The following INPP4B variants were observed in gnomAD, a reference collection of about 807,000 sequenced individuals.
INPP4B encodes the protein inositol polyphosphate-4-phosphatase type II B.
A neutral mutation model predicts 122.5 loss-of-function variants in INPP4B; 55 were observed. The ratio of observed to expected loss-of-function variants is 0.45; its 90% CI spans 0.36 to 0.56. The LOEUF (loss-of-function observed/expected upper bound fraction) is 0.56. INPP4B is among the 20% of genes least tolerant of loss of function. The probability of loss-of-function intolerance (pLI) is 0.00; values close to 1 mark genes in which losing one functional copy is unlikely to be tolerated. For synonymous variants in INPP4B, 403 were observed against 388.7 expected (o/e 1.04, Z -0.43); for missense variants, 1,000 against 1,097.7 (o/e 0.91, Z 1.26).
chr4:142,487,662 A>C (rs1821371464), intron 2 of INPP4B, among the ~76,000 whole-genome samples: 1 of 152,136 alleles, frequency 6.6e-6, no homozygotes, highest in Non-Finnish European at 1.5e-5. Flanking sequence ...CATGTTTATT[A>C]ATTTCCCAGA....
At chr4:142,837,831 G>A (rs572616102) in intron 1 of INPP4B, among the ~76,000 whole-genome samples, 1 of 151,938 alleles carries the variant, frequency 6.6e-6, no homozygotes, top group South Asian at 2.1e-4. Context: ...TCACTCCTAA[G>A]AAAAATAATG....
At chr4:142,572,893 A>G (rs1274318974) in intron 2 of INPP4B, among the ~76,000 whole-genome samples, 1 of 151,096 alleles carries the variant, frequency 6.6e-6, no homozygotes, top group African/African-American at 2.4e-5. Context: ...TATATTATAT[A>G]TAAATATACA....
intron 2 of INPP4B, among the ~76,000 whole-genome samples, chr4:142,587,808 T>A (rs114684658): frequency 6.6e-6 from 1 of 151,984 alleles, no homozygotes; most frequent in Admixed American, 6.6e-5. Flanking sequence ...GAAAGTAGAA[T>A]CAGAAAGAAC....
intron 15 of INPP4B, among the ~76,000 whole-genome samples, chr4:142,192,032 A>T (rs1010185191): frequency 2.0e-5 from 3 of 152,040 alleles, no homozygotes; most frequent in Non-Finnish European, 4.4e-5. Flanking sequence ...ATAAAACGTT[A>T]AAAAATTTTC....
chr4:142,122,366 A>G lies in INPP4B; in HGVS notation c.2018-121T>C, dbSNP rs1578984196. 6 of 746,868 alleles carry G rather than the reference A, an allele frequency of 8.0e-6. No homozygotes were observed. In the East Asian group the frequency reaches 1.6e-4, roughly 20 times the overall value. The allele number at this position is 746,868 out of a possible 1,614,324, so 46.3% of individuals were successfully genotyped here. On this transcript the variant is annotated intron_variant, in intron 20 of 25. Coordinates refer to ENST00000262992, the MANE Select transcript of INPP4B (RefSeq NM_001101669.3). ...ATTGAATGAGTTTCTGAATGCAGTG[A>G]ACCTACTCTAGACACTTTTCCTCAG...
At chr4:142,098,017 T>G (rs1460415699) in intron 23 of INPP4B, among the ~76,000 whole-genome samples, 2 of 152,220 alleles carry the variant, frequency 1.3e-5, no homozygotes, top group African/African-American at 4.8e-5. Flanking sequence ...TAAAAAACTT[T>G]AAGAGAGAAG....
At chr4:142,649,827 CAAAG>C (rs1459033664) in intron 2 of INPP4B, among the ~76,000 whole-genome samples, 1 of 152,188 alleles carries the variant, frequency 6.6e-6, no homozygotes, top group East Asian at 1.9e-4. Flanking sequence ...CCCAACCTAG[CAAAG>C]CAGGCCAACA....
chr4:142,123,019 T>C (rs1797207120), intron 20 of INPP4B, among the ~76,000 whole-genome samples: 1 of 152,088 alleles, frequency 6.6e-6, no homozygotes, highest in African/African-American at 2.4e-5. Flanking sequence ...AATCCAGTCA[T>C]TGCAACTATG....
chr4:142,427,135 C>T (rs574297213), intron 5 of INPP4B: 35 of 166,042 alleles, frequency 2.1e-4, no homozygotes, highest in Non-Finnish European at 3.0e-4. Context: ...AAAACATCCA[C>T]GGGTTTATCT....
chr4:142,843,167 G>GATCTTTT (rs1783770183), intron 1 of INPP4B, among the ~76,000 whole-genome samples: 1 of 151,120 alleles, frequency 6.6e-6, no homozygotes, highest in African/African-American at 2.4e-5. Context: ...GGTATATACT[G>GATCTTTT]CTCTAAAGTT....
intron 9 of INPP4B, among the ~76,000 whole-genome samples, chr4:142,287,953 C>T (rs1449312318): frequency 2.0e-5 from 3 of 152,154 alleles, no homozygotes; most frequent in Non-Finnish European, 4.4e-5. Context: ...CCAGTGGCTG[C>T]CTTCTAGCTG....
At chr4:142,060,172 T>C (rs1759835182) in intron 25 of INPP4B, among the ~76,000 whole-genome samples, 1 of 152,148 alleles carries the variant, frequency 6.6e-6, no homozygotes, top group African/African-American at 2.4e-5. Context: ...TATTTACTTA[T>C]TTCTATAAGT....
At chr4:142,726,718 A>AC (rs1486428498) in intron 1 of INPP4B, among the ~76,000 whole-genome samples, 1 of 152,196 alleles carries the variant, frequency 6.6e-6, no homozygotes, top group African/African-American at 2.4e-5. Flanking sequence ...AACAGTTTAA[A>AC]ACAACATTGA....
At chr4:142,208,388 C>G in intron 14 of INPP4B, 37 bp downstream of exon 14, 1 of 1,106,272 alleles carries the variant, frequency 9.0e-7, no homozygotes, top group Non-Finnish European at 1.3e-6. Flanking sequence ...CACACTGTAA[C>G]ATAATTTGCT....
At chr4:142,168,713 G>T (rs1325423520) in intron 16 of INPP4B, among the ~76,000 whole-genome samples, 3 of 151,486 alleles carry the variant, frequency 2.0e-5, no homozygotes, top group Non-Finnish European at 3.0e-5. Flanking sequence ...CTGTGGACAT[G>T]GGTAGCTTAT....
chr4:142,404,944 GA>G (rs200953154), intron 6 of INPP4B, among the ~76,000 whole-genome samples: 2 of 148,708 alleles, frequency 1.3e-5, no homozygotes, highest in African/African-American at 4.9e-5. Context: ...TGTATGAAAA[GA>G]AAAAAAAAGA....
chr4:142,315,358 C>T (rs1184019067), intron 7 of INPP4B, among the ~76,000 whole-genome samples: 2 of 152,058 alleles, frequency 1.3e-5, no homozygotes, highest in African/African-American at 4.8e-5. Flanking sequence ...TCTGAATTTA[C>T]TGGAAAAGTA....
intron 1 of INPP4B, among the ~76,000 whole-genome samples, chr4:142,729,280 G>A (rs1227884021): frequency 2.0e-5 from 3 of 152,120 alleles, no homozygotes; most frequent in African/African-American, 7.2e-5. Flanking sequence ...TCCACGGCTT[G>A]GGGGTTGGGG....
chr4:142,146,082 T>A, intron 17 of INPP4B, 86 bp from the exon 18 acceptor site: 1 of 1,446,316 alleles, frequency 6.9e-7, no homozygotes, highest in Non-Finnish European at 9.5e-7. Flanking sequence ...AGAGAAGCAT[T>A]TGGAAGGGTA....
Sources: gnomAD v4.1 joint callset for allele counts (sites outside exome capture counted in the v4.1 genomes callset) on GRCh38, gnomAD v4.1.1 for gene constraint, MANE v1.5 for transcripts, NCBI Gene and HGNC (gene_info 2026-07-23, HGNC 2026-07-21) for gene names.